Variants in LZIC observed in about 807,000 individuals in gnomAD.
LZIC encodes protein LZIC.
LZIC carries 28 observed loss-of-function variants against 25.4 expected under a neutral mutation model. That is an observed-to-expected ratio of 1.10 (90% CI 0.82 to 1.51). The LOEUF is 1.51. Ranked by LOEUF, LZIC falls within the 40% of genes most tolerant of loss-of-function variation. The probability of loss-of-function intolerance (pLI) is 0.00; values close to 1 mark genes in which losing one functional copy is unlikely to be tolerated. For missense variants in LZIC, 170 were observed against 211.1 expected, an observed-to-expected ratio of 0.81 and a Z score of 1.21; for synonymous variants, 65 against 70.7, an observed-to-expected ratio of 0.92 and a Z score of 0.40.
chr1:9,929,673 C>G lies in LZIC; in HGVS notation c.*726G>C. The G allele has an allele frequency of 2.0e-6, 2 of 985,398 alleles. No individual in the cohort carries two copies. The highest frequency in any genetic ancestry group is 2.4e-6 in the Non-Finnish European group (2 of 829,918). 61.0% of individuals were successfully genotyped at this position (985,398 alleles called of 1,614,324 possible). A position where few individuals can be genotyped will look rare whatever the true frequency, so the allele number is the denominator to read the frequency against. On this transcript the variant is annotated 3_prime_UTR_variant, in exon 8 of 8. Transcript: ENST00000377223. Reference sequence around the variant, plus strand: ...CCAACCTCAAAATTCCGAGATACAACGGGCCCCATTAATACAGACAGCTTA... The same window carrying G: ...CCAACCTCAAAATTCCGAGATACAAGGGGCCCCATTAATACAGACAGCTTA...
chr1:9,941,784 ACCGCAC>A (rs929016171), intron 2 of LZIC, among the ~76,000 whole-genome samples: 3 of 152,216 alleles, frequency 2.0e-5, no homozygotes, highest in Admixed American at 1.3e-4. Flanking sequence ...GGCGTGAGCC[ACCGCAC>A]CCGGCCTTTA....
intron 2 of LZIC, among the ~76,000 whole-genome samples, chr1:9,940,771 T>A (rs1640689706): frequency 6.6e-6 from 1 of 152,238 alleles, no homozygotes. Context: ...ATAAGTCATC[T>A]ATGATCATTA....
At position 9,928,817 on chromosome 1, in the gene LZIC, G is replaced by C. The variant is rs1640094853; in HGVS notation, c.*1582C>G. On this transcript the variant is annotated 3_prime_UTR_variant, in exon 8 of 8. Coordinates refer to ENST00000377223, the MANE Select transcript of LZIC (RefSeq NM_032368.5). ...CTTGAACCTGGGAGGCGGAGGTTGA[G>C]ATTGCGCCATTGCACTCCAGCCTGG... 6.8e-6 allele frequency: 1 copy of C among 146,124 alleles called. No individual in the cohort carries two copies. The allele number at this position is 146,124 out of a possible 1,614,324, so 9.1% of individuals were successfully genotyped here. A position where few individuals can be genotyped will look rare whatever the true frequency, so the allele number is the denominator to read the frequency against.
chr1:9,936,669 T>C lies in LZIC; in HGVS notation c.-8-42A>G, dbSNP rs780290018. The C allele has an allele frequency of 2.3e-5, 30 of 1,286,978 alleles. No homozygotes were observed. The East Asian group carries it at 4.1e-4, about 18-fold the overall frequency. 79.7% of individuals were successfully genotyped at this position (1,286,978 alleles called of 1,614,324 possible). On this transcript the variant is annotated intron_variant, in intron 2 of 7. Transcript: ENST00000377223. ...ACCCACATACCATATGAAATTAACA[T>C]ACCAGTGCAATTTTTTTAAGTTTTA...
intron 7 of LZIC, 89 bp from the exon 8 acceptor site, chr1:9,930,546 TA>T: frequency 6.5e-7 from 1 of 1,549,568 alleles, no homozygotes; most frequent in Non-Finnish European, 8.8e-7. Flanking sequence ...ATCATATAGA[TA>T]TTAAAACAGA....
chr1:9,933,824 G>A (rs952112128), intron 5 of LZIC, among the ~76,000 whole-genome samples: 4 of 151,958 alleles, frequency 2.6e-5, no homozygotes, highest in Admixed American at 1.3e-4. Context: ...GGAGACGCTT[G>A]AGCCCAGGAG....
At chr1:9,922,540 T>C (rs1639889922), downstream of LZIC, among the ~76,000 whole-genome samples, 1 of 152,228 alleles carries the variant, frequency 6.6e-6, no homozygotes, top group African/African-American at 2.4e-5. Flanking sequence ...GGCGCTTACA[T>C]AGCTTGCCTC....
intron 3 of LZIC, 71 bp downstream of exon 3, chr1:9,936,448 C>T: frequency 1.1e-6 from 1 of 912,498 alleles, no homozygotes; most frequent in South Asian, 1.4e-5. Context: ...CACACATGGG[C>T]CTGCATCCAC....
chr1:9,931,583 T>C (rs1030560328), intron 7 of LZIC, among the ~76,000 whole-genome samples: 23 of 152,222 alleles, frequency 1.5e-4, no homozygotes, highest in African/African-American at 5.5e-4. Context: ...CTTTTTAATT[T>C]TGAAGACAAA....
In LZIC at chr1:9,930,145, C is replaced by A. The variant is rs1420757163; in HGVS notation, c.*254G>T. ...CACTTTGTTTTCTCTCTTAAACAGA[C>A]AAATCATAACGAACAGAGTCCAGTG... On this transcript the variant is annotated 3_prime_UTR_variant, in exon 8 of 8. Coordinates refer to ENST00000377223, the MANE Select transcript of LZIC (RefSeq NM_032368.5). 16 of 1,229,250 alleles carry A rather than the reference C, an allele frequency of 1.3e-5. 1 individual carries two copies. The South Asian group carries it at 1.4e-4, about 10-fold the overall frequency. The allele number at this position is 1,229,250 out of a possible 1,614,324, so 76.1% of individuals were successfully genotyped here. A position where few individuals can be genotyped will look rare whatever the true frequency, so the allele number is the denominator to read the frequency against.
At chr1:9,924,261 G>A (rs1032392396), downstream of LZIC, among the ~76,000 whole-genome samples, 3 of 152,236 alleles carry the variant, frequency 2.0e-5, no homozygotes, top group East Asian at 1.9e-4. Flanking sequence ...CAGGGATGCC[G>A]CTATATATCT....
In LZIC at chr1:9,930,076, A is replaced by C; in HGVS notation, c.*323T>G. On this transcript the variant is annotated 3_prime_UTR_variant, in exon 8 of 8. Coordinates refer to ENST00000377223, the MANE Select transcript of LZIC (RefSeq NM_032368.5). ...ATCATTACTTCACATCTTTTCGTTC[A>C]CTATCAACACTTAAAAACAAACAGC... 2 of 1,069,338 alleles carry C rather than the reference A, an allele frequency of 1.9e-6. No individual in the cohort carries two copies. Among genetic ancestry groups the C allele is most frequent in the Non-Finnish European group, 2.3e-6 (2 of 881,444 alleles). The allele number at this position is 1,069,338 out of a possible 1,614,324, so 66.2% of individuals were successfully genotyped here.
rs887604354 is a variant in LZIC, at chr1:9,927,602, T to G, written c.*2797A>C. 1.3e-5 allele frequency among the ~76,000 whole-genome samples: 2 copies of G among 151,490 alleles called. No individual in the cohort carries two copies. Among genetic ancestry groups the G allele is most frequent in the Non-Finnish European group, 2.9e-5 (2 of 67,856 alleles). Reference sequence around the variant, plus strand: ...ATGCGTGAGCCACTGTGCCAGGCATTAGGTCCCTTTCAAATTCAAGATATT... The same window carrying G: ...ATGCGTGAGCCACTGTGCCAGGCATGAGGTCCCTTTCAAATTCAAGATATT... On this transcript the variant is annotated 3_prime_UTR_variant, in exon 8 of 8. Transcript: ENST00000377223.
At chr1:9,941,154 G>C (rs1640708132) in intron 2 of LZIC, among the ~76,000 whole-genome samples, 1 of 151,314 alleles carries the variant, frequency 6.6e-6, no homozygotes, top group African/African-American at 2.4e-5. Flanking sequence ...AATTATTTAA[G>C]TAGGGATTTT....
At chr1:9,932,022 G>T in intron 6 of LZIC, 50 bp from the exon 7 acceptor site, 1 of 1,438,942 alleles carries the variant, frequency 6.9e-7, no homozygotes, top group Non-Finnish European at 9.6e-7. Flanking sequence ...GTTACAGGTG[G>T]TTCTAGAAAC....
Position 9,927,420 on chromosome 1 carries a change from G to C in LZIC, c.*2979C>G, listed in dbSNP as rs1640021894. Among the ~76,000 whole-genome samples, 1 of 151,572 alleles carries C rather than the reference G, an allele frequency of 6.6e-6. No individual in the cohort carries two copies. Among genetic ancestry groups the C allele is most frequent in the South Asian group, 2.1e-4 (1 of 4,810 alleles). The stretch of plus-strand genomic sequence containing the variant: ...AGGTTCAGGTGATCCTCTGACCTCA[G>C]CTTCCTGAGTAGCTGGGACCACAAG... On this transcript the variant is annotated 3_prime_UTR_variant, in exon 8 of 8. Coordinates refer to ENST00000377223, the MANE Select transcript of LZIC (RefSeq NM_032368.5).
intron 2 of LZIC, among the ~76,000 whole-genome samples, chr1:9,940,955 G>A (rs144364914): frequency 1.7e-4 from 26 of 152,300 alleles, no homozygotes; most frequent in South Asian, 4.1e-4. Flanking sequence ...AACTGACAAT[G>A]TCTTTTCAGA....
In LZIC at chr1:9,931,956, TC is replaced by T; in HGVS notation, c.448del (p.Glu150ArgfsTer56). 1 of 1,613,690 alleles carries T rather than the reference TC, an allele frequency of 6.2e-7. No homozygotes were observed. Among genetic ancestry groups the T allele is most frequent in the Non-Finnish European group, 8.5e-7 (1 of 1,179,740 alleles). The part of the protein sequence containing the change: ...KLGEKLTADD[E>X]AFLSANAGAI... Reference sequence around the variant, plus strand: ...ACCTGCATTTGCTGACAAGAAGGCCTCATCATCTGCAGTCAGCTAAACAAAA... The same window carrying T: ...ACCTGCATTTGCTGACAAGAAGGCCTATCATCTGCAGTCAGCTAAACAAAA... On this transcript the variant is annotated frameshift_variant, in exon 7 of 8. Transcript: ENST00000377223. LOFTEE classifies it high-confidence loss of function.
Position 9,932,110 on chromosome 1 carries a change from G to T in LZIC, c.433-138C>A, listed in dbSNP as rs758385114. 383 of 511,704 alleles carry T rather than the reference G, an allele frequency of 7.5e-4. 33 individuals carry two copies. Among genetic ancestry groups the T allele is most frequent in the Admixed American group, 2.2e-3 (65 of 29,212 alleles). The allele number at this position is 511,704 out of a possible 1,614,324, so 31.7% of individuals were successfully genotyped here. A position where few individuals can be genotyped will look rare whatever the true frequency, so the allele number is the denominator to read the frequency against. ...TGCACTTTGGGAGGCGTGGGGGGGG[G>T]GGGGGGGTGGATCACATGAGGTCAG... is the stretch of plus-strand genomic sequence containing the variant. On this transcript the variant is annotated intron_variant, in intron 6 of 7. Coordinates refer to ENST00000377223, the MANE Select transcript of LZIC (RefSeq NM_032368.5).
Sources: gnomAD v4.1 joint callset for allele counts (sites outside exome capture counted in the v4.1 genomes callset) on GRCh38, gnomAD v4.1.1 for gene constraint, MANE v1.5 for transcripts, NCBI Gene and HGNC (gene_info 2026-07-23, HGNC 2026-07-21) for gene names.